PHACTR1: variants seen among roughly 807,000 people sequenced by gnomAD.
PHACTR1 encodes RPEL repeat containing 1.
Under a neutral mutation model 69.2 loss-of-function variants are expected in PHACTR1, and 16 were observed. The observed-to-expected ratio is 0.23, with a 90% confidence interval of 0.16 to 0.35. The LOEUF (loss-of-function observed/expected upper bound fraction) is 0.35. PHACTR1 is among the 10% of genes least tolerant of loss of function. The pLI is 1.00. For synonymous variants in PHACTR1, 312 were observed against 284.5 expected (o/e 1.10, Z -0.97); for missense variants, 510 against 734.7 (o/e 0.69, Z 3.54).
chr6:12,802,596 T>C (rs1312144255), intron 4 of PHACTR1, among the ~76,000 whole-genome samples: 1 of 152,212 alleles, frequency 6.6e-6, no homozygotes, highest in African/African-American at 2.4e-5. Flanking sequence ...GGATGTACCA[T>C]TATTTTCTCT....
intron 4 of PHACTR1, among the ~76,000 whole-genome samples, chr6:12,882,113 T>C (rs1427369490): frequency 6.6e-6 from 1 of 152,060 alleles, no homozygotes; most frequent in Non-Finnish European, 1.5e-5. Context: ...CACCCGAGGC[T>C]GAGAGGGACA....
intron 4 of PHACTR1, among the ~76,000 whole-genome samples, chr6:12,864,799 C>T (rs985839370): frequency 1.3e-5 from 2 of 152,114 alleles, no homozygotes; most frequent in Non-Finnish European, 2.9e-5. Flanking sequence ...ATGAGACAAA[C>T]ATGGAGACCT....
At chr6:13,231,923 C>G (rs1771283635) in intron 10 of PHACTR1, among the ~76,000 whole-genome samples, 1 of 152,200 alleles carries the variant, frequency 6.6e-6, no homozygotes, top group Non-Finnish European at 1.5e-5. Flanking sequence ...CATAATGTCA[C>G]ACAGCACAGC....
intron 4 of PHACTR1, among the ~76,000 whole-genome samples, chr6:12,947,700 G>A (rs928583651): frequency 9.2e-5 from 14 of 152,282 alleles, no homozygotes; most frequent in Middle Eastern, 3.4e-3. Context: ...GTAGACTTCC[G>A]TGAATTATTT....
intron 8 of PHACTR1, among the ~76,000 whole-genome samples, chr6:13,212,730 G>C (rs532563754): frequency 6.6e-6 from 1 of 151,978 alleles, no homozygotes; most frequent in African/African-American, 2.4e-5. Context: ...GGACATTCTC[G>C]GACGTGCCGG....
chr6:13,281,446 C>A (rs762538428), intron 12 of PHACTR1: 9 of 296,598 alleles, frequency 3.0e-5, no homozygotes, highest in Non-Finnish European at 4.8e-5. Flanking sequence ...CCCAGCTACT[C>A]GGGAGGCTGA....
intron 11 of PHACTR1, among the ~76,000 whole-genome samples, chr6:13,276,958 AC>A (rs780607558): frequency 2.0e-5 from 3 of 152,182 alleles, no homozygotes; most frequent in Non-Finnish European, 4.4e-5. Flanking sequence ...GTCGTGATGC[AC>A]CCTATGCCAA....
chr6:13,057,507 G>A (rs1806980499), intron 5 of PHACTR1, among the ~76,000 whole-genome samples: 1 of 152,040 alleles, frequency 6.6e-6, no homozygotes, highest in Non-Finnish European at 1.5e-5. Context: ...GCTTGTTATT[G>A]TTTACAGACT....
chr6:13,098,023 C>T (rs543460062), intron 5 of PHACTR1, among the ~76,000 whole-genome samples: 10 of 152,308 alleles, frequency 6.6e-5, no homozygotes, highest in Middle Eastern at 3.4e-3. Flanking sequence ...TCTCCTCTCT[C>T]TTATGGATCT....
chr6:12,869,228 TTAG>T (rs927936000), intron 4 of PHACTR1, among the ~76,000 whole-genome samples: 3 of 152,086 alleles, frequency 2.0e-5, no homozygotes, highest in African/African-American at 7.2e-5. Context: ...AGGGACAAAT[TTAG>T]TAGAACATGT....
At chr6:12,952,757 T>C (rs1791442646) in intron 4 of PHACTR1, among the ~76,000 whole-genome samples, 1 of 152,246 alleles carries the variant, frequency 6.6e-6, no homozygotes, top group Admixed American at 6.5e-5. Flanking sequence ...GATCATATGA[T>C]AATATGTTTA....
At chr6:12,869,608 T>G (rs1426633663) in intron 4 of PHACTR1, among the ~76,000 whole-genome samples, 1 of 152,202 alleles carries the variant, frequency 6.6e-6, no homozygotes, top group South Asian at 2.1e-4. Flanking sequence ...TTCACTGCAT[T>G]GCAAACCAGT....
intron 4 of PHACTR1, among the ~76,000 whole-genome samples, chr6:12,838,328 C>T (rs1299417104): frequency 6.6e-6 from 1 of 152,144 alleles, no homozygotes; most frequent in African/African-American, 2.4e-5. Flanking sequence ...CCTCCAGGCA[C>T]TGTGTCTGTG....
intron 10 of PHACTR1, among the ~76,000 whole-genome samples, chr6:13,244,273 A>G (rs1773278129): frequency 6.6e-6 from 1 of 152,094 alleles, no homozygotes; most frequent in Non-Finnish European, 1.5e-5. Flanking sequence ...AGGGTAATAG[A>G]ATATCACAAG....
intron 5 of PHACTR1, among the ~76,000 whole-genome samples, chr6:13,125,540 A>T (rs531860214): frequency 2.6e-5 from 4 of 152,218 alleles, no homozygotes; most frequent in Non-Finnish European, 5.9e-5. Context: ...CCCTCCAGCA[A>T]AGGAAAAAAT....
At chr6:13,133,204 C>T (rs1820756258) in intron 5 of PHACTR1, among the ~76,000 whole-genome samples, 1 of 2,126 alleles carries the variant, frequency 4.7e-4, no homozygotes, top group Non-Finnish European at 1.8e-3. Flanking sequence ...ATTTGGCCTC[C>T]CCCTCCCCCT....
intron 4 of PHACTR1, among the ~76,000 whole-genome samples, chr6:12,871,437 A>G (rs879902036): frequency 6.6e-6 from 1 of 152,202 alleles, no homozygotes. Context: ...AAGCTTTTTA[A>G]GTCTCAATGT....
intron 14 of PHACTR1, 73 bp from the exon 15 acceptor site, chr6:13,286,990 A>T (rs1484062778): frequency 3.7e-5 from 56 of 1,505,644 alleles, no homozygotes; most frequent in Non-Finnish European, 5.0e-5. Context: ...CTCCCTGAAG[A>T]TGGGAGATTG....
chr6:13,146,152 A>G (rs148436823), intron 5 of PHACTR1, among the ~76,000 whole-genome samples: 1 of 152,198 alleles, frequency 6.6e-6, no homozygotes, highest in Non-Finnish European at 1.5e-5. Flanking sequence ...TGTCGTGTGG[A>G]TAATAGTGCC....
Sources: gnomAD v4.1 joint callset for allele counts (sites outside exome capture counted in the v4.1 genomes callset) on GRCh38, gnomAD v4.1.1 for gene constraint, MANE v1.5 for transcripts, NCBI Gene and HGNC (gene_info 2026-07-23, HGNC 2026-07-21) for gene names.